UST: variants seen among roughly 807,000 people sequenced by gnomAD.
UST encodes the protein uronyl 2-sulfotransferase, also known as chondroitin sulfate 2-O-sulfotransferase.
UST carries 21 observed loss-of-function variants against 45.6 expected under a neutral mutation model. The ratio of observed to expected loss-of-function variants is 0.46; its 90% CI spans 0.33 to 0.66. The LOEUF (loss-of-function observed/expected upper bound fraction) is 0.66. UST is among the 30% of genes least tolerant of loss of function. The pLI, the probability that UST is intolerant of heterozygous loss-of-function variation, is 0.02. For missense variants in UST, 463 were observed against 512.4 expected, an observed-to-expected ratio of 0.90 and a Z score of 0.93; for synonymous variants, 215 against 200.6, an observed-to-expected ratio of 1.07 and a Z score of -0.61.
chr6:148,905,266 C>A, intron 2 of UST, among the ~76,000 whole-genome samples: 1 of 152,156 alleles, frequency 6.6e-6, no homozygotes, highest in South Asian at 2.1e-4. Flanking sequence ...GCGAATGAAC[C>A]CCCATGTGGC....
At chr6:148,940,178 T>C (rs1780096245) in intron 2 of UST, among the ~76,000 whole-genome samples, 1 of 151,836 alleles carries the variant, frequency 6.6e-6, no homozygotes, top group Non-Finnish European at 1.5e-5. Context: ...AGGATGGGTA[T>C]AATAAACAAC....
At chr6:148,929,339 TA>T (rs1205775460) in intron 2 of UST, among the ~76,000 whole-genome samples, 3 of 152,220 alleles carry the variant, frequency 2.0e-5, no homozygotes, top group Non-Finnish European at 4.4e-5. Context: ...AGTTGAGATG[TA>T]CACTGGAAGT....
chr6:148,823,595 T>C (rs529063423), intron 1 of UST, among the ~76,000 whole-genome samples: 68 of 152,342 alleles, frequency 4.5e-4, no homozygotes, highest in African/African-American at 1.6e-3. Flanking sequence ...ATTAAGTTGA[T>C]AGCACAGAAA....
intron 7 of UST, among the ~76,000 whole-genome samples, chr6:149,029,875 TG>T (rs1190729155): frequency 8.7e-6 from 1 of 114,502 alleles, no homozygotes; most frequent in East Asian, 2.1e-4. Context: ...CTTGTGTGTG[TG>T]TGTGTGTGTG....
At position 148,783,198 on chromosome 6, in the gene UST, G is replaced by A. The variant is rs1776675827; in HGVS notation, c.247+35521G>A. The stretch of plus-strand genomic sequence containing the variant: ...AAGCATTTACAATTTTTATATTAAG[G>A]TATATACATTATTTTTAGATATAAG... On this transcript the variant is annotated intron_variant, in intron 1 of 7. Transcript: ENST00000367463. Among the ~76,000 whole-genome samples the A allele has an allele frequency of 2.6e-5, 4 of 152,142 alleles. 1 individual carries two copies. In the South Asian group the frequency reaches 8.3e-4, roughly 32 times the overall value.
chr6:148,776,726 T>A (rs58701494), intron 1 of UST, among the ~76,000 whole-genome samples: 2,007 of 152,356 alleles, frequency 0.013, 48 homozygotes, highest in African/African-American at 0.045. Flanking sequence ...TGGAAATCTC[T>A]TTAAAACATA....
chr6:148,930,809 T>C (rs1447250823), intron 2 of UST, among the ~76,000 whole-genome samples: 1 of 152,234 alleles, frequency 6.6e-6, no homozygotes, highest in Non-Finnish European at 1.5e-5. Context: ...GGTTATGTTA[T>C]ATAAGCCTAA....
chr6:148,944,890 G>A (rs1780204408), intron 3 of UST, among the ~76,000 whole-genome samples: 1 of 147,428 alleles, frequency 6.8e-6, no homozygotes, highest in African/African-American at 2.5e-5. Flanking sequence ...TGAAAAATAG[G>A]GAATTTTTTT....
chr6:148,993,067 G>A, intron 5 of UST: 1 of 985,432 alleles, frequency 1.0e-6, no homozygotes, highest in Non-Finnish European at 1.2e-6. Context: ...ACCAAAGGAG[G>A]TGACATTTGT....
chr6:149,024,264 C>T (rs1330985047), intron 7 of UST, among the ~76,000 whole-genome samples: 2 of 152,306 alleles, frequency 1.3e-5, no homozygotes, highest in African/African-American at 2.4e-5. Context: ...TTCAGGACCC[C>T]GGGCCAGTGT....
At chr6:148,945,587 T>C (rs1384121543) in intron 3 of UST, among the ~76,000 whole-genome samples, 2 of 152,166 alleles carry the variant, frequency 1.3e-5, no homozygotes, top group African/African-American at 2.4e-5. Flanking sequence ...CTCTAAGACA[T>C]TGAAAGAAAA....
At chr6:148,889,198 A>C (rs1173921313) in intron 2 of UST, among the ~76,000 whole-genome samples, 3 of 152,250 alleles carry the variant, frequency 2.0e-5, no homozygotes, top group African/African-American at 7.2e-5. Flanking sequence ...AAGCTCCCAC[A>C]TGATGCTGAT....
chr6:148,851,297 G>A (rs553188184), intron 1 of UST, among the ~76,000 whole-genome samples: 3 of 151,728 alleles, frequency 2.0e-5, no homozygotes, highest in African/African-American at 7.3e-5. Flanking sequence ...ATATATATAC[G>A]TACACATTTA....
chr6:148,797,489 T>A (rs978376389), intron 1 of UST, among the ~76,000 whole-genome samples: 1 of 152,248 alleles, frequency 6.6e-6, no homozygotes, highest in African/African-American at 2.4e-5. Flanking sequence ...CAAGCTTTTA[T>A]GGAACACCTG....
intron 2 of UST, among the ~76,000 whole-genome samples, chr6:148,933,744 C>T (rs17080135): frequency 0.032 from 4,926 of 152,120 alleles, 294 homozygotes; most frequent in African/African-American, 0.11. Context: ...GAATCACTGC[C>T]GAGTTCTGGG....
intron 1 of UST, among the ~76,000 whole-genome samples, chr6:148,773,461 CA>C (rs763596050): frequency 0.045 from 5,070 of 111,638 alleles, 92 homozygotes; most frequent in Non-Finnish European, 0.055. Context: ...AACTCTGTCT[CA>C]AAAAAAAAAA....
intron 2 of UST, among the ~76,000 whole-genome samples, chr6:148,915,002 T>C (rs1231025901): frequency 1.3e-5 from 2 of 152,152 alleles, no homozygotes; most frequent in East Asian, 3.9e-4. Context: ...GCCTGATTCC[T>C]GGTTCACAGA....
chr6:148,842,369 A>G (rs547887510), intron 1 of UST, among the ~76,000 whole-genome samples: 2 of 152,306 alleles, frequency 1.3e-5, no homozygotes, highest in South Asian at 2.1e-4. Flanking sequence ...CATCTGTTAT[A>G]TGTAACTGTC....
At chr6:148,895,244 C>T (rs1325658530) in intron 2 of UST, among the ~76,000 whole-genome samples, 2 of 152,132 alleles carry the variant, frequency 1.3e-5, no homozygotes, top group Non-Finnish European at 2.9e-5. Context: ...ACATTCTCTC[C>T]AATTTCTTCT....
Sources: allele counts gnomAD v4.1 joint callset (sites outside exome capture counted in the v4.1 genomes callset), GRCh38; gene constraint gnomAD v4.1.1; transcripts MANE v1.5; gene names NCBI Gene and HGNC (gene_info 2026-07-23, HGNC 2026-07-21).